FMN2: variants seen among roughly 807,000 people sequenced by gnomAD.
FMN2 encodes formin-2.
A neutral mutation model predicts 142.3 loss-of-function variants in FMN2; 51 were observed. That is an observed-to-expected ratio of 0.36 (90% CI 0.29 to 0.45). FMN2 has a LOEUF of 0.45. Ranked by LOEUF, FMN2 falls within the 20% of genes least tolerant of loss-of-function variation. The pLI, the probability that FMN2 is intolerant of heterozygous loss-of-function variation, is 1.00. For synonymous variants in FMN2, 882 were observed against 869.8 expected (o/e 1.01, Z -0.25); for missense variants, 1,936 against 2,122.8 (o/e 0.91, Z 1.73).
intron 15 of FMN2, among the ~76,000 whole-genome samples, chr1:240,405,776 A>G (rs1310430584): frequency 6.6e-6 from 1 of 152,116 alleles, no homozygotes; most frequent in Admixed American, 6.5e-5. Context: ...GAAGAAAAAA[A>G]TTTTTTTCTA....
Position 240,447,757 on chromosome 1 carries a change from CG to C in FMN2, c.5060+9553del, listed in dbSNP as rs202200490. ...GTGACTACTAATGAAGTTTCTCTTG[CG>C]GGGGGTACAAAATGCCCTAAACTTA... On this transcript the variant is annotated intron_variant, in intron 16 of 17. Transcript: ENST00000319653. Among the ~76,000 whole-genome samples the C allele has an allele frequency of 6.8e-3, 1,038 of 152,148 alleles. 8 individuals carry two copies. The highest frequency in any genetic ancestry group is 0.024 in the African/African-American group (984 of 41,506).
chr1:240,125,308 C>T (rs1460563673), intron 2 of FMN2, among the ~76,000 whole-genome samples: 3 of 152,186 alleles, frequency 2.0e-5, no homozygotes, highest in Non-Finnish European at 4.4e-5. Context: ...AAGTTTCCTT[C>T]CTGAGATTTG....
intron 4 of FMN2, among the ~76,000 whole-genome samples, chr1:240,202,428 A>G (rs1357424028): frequency 6.6e-6 from 1 of 152,136 alleles, no homozygotes; most frequent in African/African-American, 2.4e-5. Flanking sequence ...GCAGAAATCC[A>G]TGTAGAAAGA....
chr1:240,290,492 C>G (rs1345488599), intron 7 of FMN2, among the ~76,000 whole-genome samples: 1 of 152,166 alleles, frequency 6.6e-6, no homozygotes, highest in Non-Finnish European at 1.5e-5. Flanking sequence ...TTACAGGTAA[C>G]ATACACCTTA....
chr1:240,294,755 C>T (rs575220359), intron 7 of FMN2, 67 bp from the exon 8 acceptor site: 8 of 1,467,010 alleles, frequency 5.5e-6, no homozygotes, highest in East Asian at 2.3e-5. Flanking sequence ...AGCCTGCTGC[C>T]TGAGATGGTC....
chr1:240,381,361 G>A (rs1347082787), intron 14 of FMN2, among the ~76,000 whole-genome samples: 1 of 152,184 alleles, frequency 6.6e-6, no homozygotes, highest in African/African-American at 2.4e-5. Flanking sequence ...GGAATGCAAG[G>A]ATGGTTTAAC....
chr1:240,292,167 C>G (rs113888775), intron 7 of FMN2, among the ~76,000 whole-genome samples: 3 of 152,220 alleles, frequency 2.0e-5, no homozygotes, highest in African/African-American at 7.2e-5. Context: ...GAACTGTCAC[C>G]TTGATATAAT....
intron 14 of FMN2, among the ~76,000 whole-genome samples, chr1:240,367,675 A>G (rs186536380): frequency 0.012 from 1,856 of 151,192 alleles, 39 homozygotes; most frequent in African/African-American, 0.041. Flanking sequence ...GGCTGAGGCA[A>G]AAGAATGGCG....
intron 7 of FMN2, 41 bp from the exon 8 acceptor site, chr1:240,294,781 G>C (rs1230047584): frequency 6.3e-6 from 10 of 1,593,938 alleles, no homozygotes; most frequent in Non-Finnish European, 8.6e-6. Context: ...TCTTTTCACA[G>C]GTGGCTTATG....
chr1:240,249,952 A>G (rs1282085006), intron 6 of FMN2, among the ~76,000 whole-genome samples: 1 of 152,082 alleles, frequency 6.6e-6, no homozygotes, highest in South Asian at 2.1e-4. Flanking sequence ...GTATACTGCA[A>G]CTTTACTGAG....
At chr1:240,372,146 G>T (rs1472283787) in intron 14 of FMN2, among the ~76,000 whole-genome samples, 1 of 152,246 alleles carries the variant, frequency 6.6e-6, no homozygotes, top group Admixed American at 6.5e-5. Context: ...TGAGGTAGAA[G>T]AATTGCTTGA....
chr1:240,206,032 A>T (rs567805503), intron 4 of FMN2, among the ~76,000 whole-genome samples: 43 of 151,664 alleles, frequency 2.8e-4, no homozygotes, highest in African/African-American at 1.0e-3. Context: ...CCTCCCAAGT[A>T]GCTGGGACTA....
intron 7 of FMN2, among the ~76,000 whole-genome samples, chr1:240,284,163 A>G (rs566669828): frequency 4.6e-5 from 7 of 152,314 alleles, no homozygotes; most frequent in Non-Finnish European, 8.8e-5. Context: ...ATCTACTCAG[A>G]TATTCTTTTA....
At chr1:240,129,062 C>T (rs532970284) in intron 2 of FMN2, among the ~76,000 whole-genome samples, 12 of 151,964 alleles carry the variant, frequency 7.9e-5, no homozygotes, top group East Asian at 3.9e-4. Flanking sequence ...TTAGTAGTGA[C>T]GAGGTTTTAC....
rs1010657106 is a variant in FMN2, at chr1:240,205,753, G to A, written c.1987-1046G>A. ...TGGGATTACAGGCATGAGCCACCAC[G>A]CCCGGCCAATGCCCTTCTTTCTACT... On this transcript the variant is annotated intron_variant, in intron 4 of 17. Coordinates refer to ENST00000319653, the MANE Select transcript of FMN2 (RefSeq NM_020066.5). Among the ~76,000 whole-genome samples, 7 of 151,418 alleles carry A rather than the reference G, an allele frequency of 4.6e-5. 1 individual carries two copies. Among genetic ancestry groups the A allele is most frequent in the Admixed American group, 2.0e-4 (3 of 15,174 alleles).
rs540951387 is a variant in FMN2, at chr1:240,447,248, G to C, written c.5060+9038G>C. Among the ~76,000 whole-genome samples the C allele has an allele frequency of 3.0e-4, 45 of 152,286 alleles. 1 individual carries two copies. The South Asian group carries it at 9.3e-3, about 32-fold the overall frequency. ...GAATTATTTGTGAAAGCATGTGCTG[G>C]GTCTGTGTGTGTTGGGGGATGTTGG... On this transcript the variant is annotated intron_variant, in intron 16 of 17. Coordinates refer to ENST00000319653, the MANE Select transcript of FMN2 (RefSeq NM_020066.5).
intron 8 of FMN2, among the ~76,000 whole-genome samples, chr1:240,319,914 G>A (rs1446283408): frequency 3.9e-5 from 6 of 152,132 alleles, no homozygotes; most frequent in African/African-American, 1.2e-4. Context: ...TGCCTATAGC[G>A]TTAATGATTT....
chr1:240,259,285 C>T (rs1668546241), intron 7 of FMN2, among the ~76,000 whole-genome samples: 1 of 152,086 alleles, frequency 6.6e-6, no homozygotes, highest in Non-Finnish European at 1.5e-5. Flanking sequence ...ATAATGAGAA[C>T]CTTATGAACA....
Position 240,092,016 on chromosome 1 carries a change from T to C in FMN2, c.-94T>C. 1 of 1,432,958 alleles carries C rather than the reference T, an allele frequency of 7.0e-7. No individual in the cohort carries two copies. Among genetic ancestry groups the C allele is most frequent in the Admixed American group, 3.2e-5 (1 of 31,170 alleles). The allele number at this position is 1,432,958 out of a possible 1,614,324, so 88.8% of individuals were successfully genotyped here. A position where few individuals can be genotyped will look rare whatever the true frequency, so the allele number is the denominator to read the frequency against. On this transcript the variant is annotated 5_prime_UTR_variant, in exon 1 of 18. Transcript: ENST00000319653. ...GGCTCCCCCCGCCGCCGCCTGACTC[T>C]CCCGGGAGACTCCCTAGGCCCGGAC... is the stretch of plus-strand genomic sequence containing the variant.
Sources: allele counts gnomAD v4.1 joint callset (sites outside exome capture counted in the v4.1 genomes callset), GRCh38; gene constraint gnomAD v4.1.1; transcripts MANE v1.5; gene names NCBI Gene and HGNC (gene_info 2026-07-23, HGNC 2026-07-21).